The following DCAF4 variants were observed in gnomAD, a reference collection of about 807,000 sequenced individuals.
DCAF4 encodes DDB1 and CUL4 associated factor 4, also known as DDB1- and CUL4-associated factor 4.
In DCAF4, 37 loss-of-function variants were observed where a neutral mutation model predicts 60.9. That is an observed-to-expected ratio of 0.61 (90% CI 0.47 to 0.80). The LOEUF (loss-of-function observed/expected upper bound fraction) is 0.80, where lower values mean the gene tolerates loss of function less well. Ranked by LOEUF, DCAF4 falls within the 30% of genes least tolerant of loss-of-function variation. DCAF4 has a pLI of 0.00. For synonymous variants in DCAF4, 243 were observed against 254.8 expected (o/e 0.95, Z 0.44); for missense variants, 577 against 650.0 (o/e 0.89, Z 1.22).
intron 9 of DCAF4, among the ~76,000 whole-genome samples, chr14:72,953,685 G>A (rs1188948155): frequency 1.0e-5 from 1 of 96,420 alleles, no homozygotes; most frequent in Non-Finnish European, 2.1e-5. Flanking sequence ...ACTCCAGACT[G>A]GGCAAAAGAA....
At chr14:72,941,354 C>T (rs764537599) in intron 4 of DCAF4, among the ~76,000 whole-genome samples, 8 of 152,304 alleles carry the variant, frequency 5.3e-5, no homozygotes, top group Admixed American at 4.6e-4. Context: ...CAGGTCTAGA[C>T]GCTAACATAT....
intron 13 of DCAF4, 45 bp from the exon 14 acceptor site, chr14:72,958,567 T>G: frequency 6.2e-7 from 1 of 1,611,112 alleles, no homozygotes. Context: ...AAGTTTTCCT[T>G]TGCATTCTCT....
intron 6 of DCAF4, among the ~76,000 whole-genome samples, chr14:72,945,072 G>C (rs1023012496): frequency 1.3e-5 from 2 of 151,534 alleles, no homozygotes; most frequent in Non-Finnish European, 2.9e-5. Flanking sequence ...CTGGGCGACA[G>C]AGTAAGACTC....
At chr14:72,952,448 A>G (rs2140290660) in intron 9 of DCAF4, among the ~76,000 whole-genome samples, 1 of 152,326 alleles carries the variant, frequency 6.6e-6, no homozygotes, top group Admixed American at 6.5e-5. Context: ...GAATTAGGTG[A>G]GATCATGCAC....
rs560200455 is a variant in DCAF4 at position 72,944,693 on chromosome 14, A to G, written c.535-1191A>G. On this transcript the variant is annotated intron_variant, in intron 6 of 13. Coordinates refer to ENST00000358377, the MANE Select transcript of DCAF4 (RefSeq NM_015604.4). ...TATAGTCCCAGCTACTCGGGAGGCT[A>G]TGGTGGGAGTATCACTTGATCCTGG... Among the ~76,000 whole-genome samples the G allele has an allele frequency of 5.3e-5, 8 of 150,784 alleles. No individual in the cohort carries two copies. The East Asian group carries it at 7.9e-4, about 15-fold the overall frequency.
downstream of DCAF4, among the ~76,000 whole-genome samples, chr14:72,961,386 T>G (rs1892815006): frequency 1.3e-5 from 2 of 152,216 alleles, no homozygotes; most frequent in Non-Finnish European, 2.9e-5. Flanking sequence ...GATACTTTTC[T>G]AACAGGGTAA....
intron 1 of DCAF4, among the ~76,000 whole-genome samples, chr14:72,936,390 C>T (rs1889267788): frequency 1.3e-5 from 2 of 151,994 alleles, no homozygotes; most frequent in Non-Finnish European, 2.9e-5. Context: ...ATGGTGAAAC[C>T]CCATCTCTAC....
Position 72,959,216 on chromosome 14 carries a change from G to A in DCAF4, c.*411G>A. On this transcript the variant is annotated 3_prime_UTR_variant, in exon 14 of 14. Transcript: ENST00000358377. The stretch of plus-strand genomic sequence containing the variant: ...TTGAGTCCTCGGTGCCTGGGTAGCA[G>A]GAAGAAAGACCTGCATCCTGCATCT... The A allele has an allele frequency of 1.0e-6, 1 of 991,008 alleles. No individual in the cohort carries two copies. Among genetic ancestry groups the A allele is most frequent in the Non-Finnish European group, 1.2e-6 (1 of 833,576 alleles). The allele number at this position is 991,008 out of a possible 1,614,324, so 61.4% of individuals were successfully genotyped here.
intron 9 of DCAF4, among the ~76,000 whole-genome samples, chr14:72,952,992 C>CCTTTT (rs1891630819): frequency 2.4e-5 from 1 of 41,594 alleles, no homozygotes; most frequent in Non-Finnish European, 4.2e-5. Flanking sequence ...AATGCCCGGC[C>CCTTTT]TTTTTTTTTT....
chr14:72,942,013 A>C (rs759008234), intron 5 of DCAF4, 189 bp downstream of exon 5: 1 of 563,814 alleles, frequency 1.8e-6, no homozygotes, highest in Non-Finnish European at 3.1e-6. Flanking sequence ...TGTTCTCTCT[A>C]GAGCGAAGGC....
intron 7 of DCAF4, among the ~76,000 whole-genome samples, 193 bp downstream of exon 7, chr14:72,946,220 G>C (rs1317868860): frequency 1.4e-5 from 2 of 141,030 alleles, no homozygotes; most frequent in African/African-American, 5.3e-5. Context: ...GTGAAACCTT[G>C]TCTCTACAAA....
Position 72,959,216 on chromosome 14 carries a change from G to C in DCAF4, c.*411G>C, listed in dbSNP as rs1892675223. ...TTGAGTCCTCGGTGCCTGGGTAGCA[G>C]GAAGAAAGACCTGCATCCTGCATCT... On this transcript the variant is annotated 3_prime_UTR_variant, in exon 14 of 14. Coordinates refer to ENST00000358377, the MANE Select transcript of DCAF4 (RefSeq NM_015604.4). 1.0e-6 allele frequency: 1 copy of C among 991,008 alleles called. No homozygotes were observed. Among genetic ancestry groups the C allele is most frequent in the African/African-American group, 1.7e-5 (1 of 57,534 alleles). The allele number at this position is 991,008 out of a possible 1,614,324, so 61.4% of individuals were successfully genotyped here. A position where few individuals can be genotyped will look rare whatever the true frequency, so the allele number is the denominator to read the frequency against.
chr14:72,941,633 C>A, intron 4 of DCAF4, 112 bp from the exon 5 acceptor site: 1 of 992,794 alleles, frequency 1.0e-6, no homozygotes, highest in Non-Finnish European at 1.5e-6. Flanking sequence ...ATAATTTCTG[C>A]CAATTTAGTG....
At chr14:72,949,719 T>C (rs1165289270) in intron 8 of DCAF4, among the ~76,000 whole-genome samples, 3 of 152,220 alleles carry the variant, frequency 2.0e-5, no homozygotes, top group Non-Finnish European at 4.4e-5. Flanking sequence ...ATTGCGCCAC[T>C]GCACTCCAGC....
At chr14:72,937,551 G>T (rs1303528703) in intron 1 of DCAF4, among the ~76,000 whole-genome samples, 1 of 151,708 alleles carries the variant, frequency 6.6e-6, no homozygotes, top group African/African-American at 2.4e-5. Context: ...CTCCTGAGTA[G>T]CTGGGATTAC....
chr14:72,940,842 C>T (rs1032561002), intron 4 of DCAF4, among the ~76,000 whole-genome samples: 4 of 152,026 alleles, frequency 2.6e-5, no homozygotes. Flanking sequence ...CTGCCTGCCT[C>T]AGCCTCCCAA....
At chr14:72,944,089 G>A (rs1033794008) in intron 6 of DCAF4, among the ~76,000 whole-genome samples, 4 of 152,172 alleles carry the variant, frequency 2.6e-5, no homozygotes, top group Admixed American at 2.6e-4. Flanking sequence ...TGGGGACGGT[G>A]GGGGTCATTG....
At chr14:72,956,792 G>A (rs1194984711) in intron 13 of DCAF4, 2 of 372,970 alleles carry the variant, frequency 5.4e-6, no homozygotes, top group African/African-American at 2.1e-5. Context: ...TGGAGTTTGA[G>A]TGGATTTCAT....
chr14:72,956,930 C>G (rs998745836), intron 13 of DCAF4: 42 of 212,174 alleles, frequency 2.0e-4, no homozygotes, highest in African/African-American at 8.6e-4. Context: ...TTCTTGGCCC[C>G]GGCCCGGCGC....
Sources: gnomAD v4.1 joint callset for allele counts (sites outside exome capture counted in the v4.1 genomes callset) on GRCh38, gnomAD v4.1.1 for gene constraint, MANE v1.5 for transcripts, NCBI Gene and HGNC (gene_info 2026-07-23, HGNC 2026-07-21) for gene names.